The following NLRP13 variants were observed in gnomAD, a reference collection of about 807,000 sequenced individuals.
NLRP13 encodes the protein NLR family pyrin domain containing 13.
A neutral mutation model predicts 94.4 loss-of-function variants in NLRP13; 82 were observed. The observed-to-expected ratio is 0.87, with a 90% CI of 0.73 to 1.04. The LOEUF (loss-of-function observed/expected upper bound fraction) is 1.04. Among genes scored for constraint, NLRP13 ranks in the 50% least tolerant of loss-of-function variants. The probability of loss-of-function intolerance (pLI) is 0.00; values close to 1 mark genes in which losing one functional copy is unlikely to be tolerated. For synonymous variants in NLRP13, 553 were observed against 464.7 expected, an observed-to-expected ratio of 1.19 and a Z score of -2.45; for missense variants, 1,426 against 1,230.8, an observed-to-expected ratio of 1.16 and a Z score of -2.37.
At chr19:55,926,000 G>A (rs2123145460) in intron 1 of NLRP13, among the ~76,000 whole-genome samples, 1 of 152,210 alleles carries the variant, frequency 6.6e-6, no homozygotes, top group East Asian at 1.9e-4. Context: ...AGTCTGTCCT[G>A]AATTCTAACT....
At chr19:55,892,375 A>G (rs1238473719), downstream of NLRP13, among the ~76,000 whole-genome samples, 2 of 60,632 alleles carry the variant, frequency 3.3e-5, no homozygotes, top group Non-Finnish European at 6.7e-5. Flanking sequence ...GTATATATGT[A>G]TATACACACA....
chr19:55,911,148 T>C (rs765051367), intron 5 of NLRP13, among the ~76,000 whole-genome samples: 5 of 152,154 alleles, frequency 3.3e-5, no homozygotes, highest in Admixed American at 1.3e-4. Context: ...CAGAGAAAGA[T>C]GAGCAAAGGA....
rs186987623 is a variant in NLRP13 at position 55,908,176 on chromosome 19, A to C, written c.2283-220T>G. Among the ~76,000 whole-genome samples, 149 of 152,270 alleles carry C rather than the reference A, an allele frequency of 9.8e-4. No homozygotes were observed. The Middle Eastern group carries it at 0.024, about 24-fold the overall frequency. The stretch of plus-strand genomic sequence containing the variant: ...ATCAGTAAACTCAGTTGCAGGTACG[A>C]AGTCAGGGATCCCTCCTTCCCTCTC... On this transcript the variant is annotated intron_variant, in intron 6 of 10. Transcript: ENST00000342929.
At chr19:55,924,928 A>G (rs1228407241) in intron 2 of NLRP13, 39 bp downstream of exon 2, 7 of 1,552,116 alleles carry the variant, frequency 4.5e-6, no homozygotes, top group Non-Finnish European at 6.2e-6. Flanking sequence ...TGCTCCATCA[A>G]GCAACCTGTC....
intron 8 of NLRP13, among the ~76,000 whole-genome samples, chr19:55,904,128 T>C (rs1274328589): frequency 1.3e-5 from 2 of 152,208 alleles, no homozygotes; most frequent in African/African-American, 4.8e-5. Context: ...AGTCTCACTC[T>C]GTCATCCGGG....
chr19:55,911,390 C>A (rs1568693563), intron 5 of NLRP13, among the ~76,000 whole-genome samples: 1 of 152,084 alleles, frequency 6.6e-6, no homozygotes, highest in Non-Finnish European at 1.5e-5. Flanking sequence ...GCCACCACAC[C>A]CAGCTAATAA....
downstream of NLRP13, among the ~76,000 whole-genome samples, chr19:55,892,770 T>C (rs188466067): frequency 2.4e-3 from 367 of 152,282 alleles, 2 homozygotes; most frequent in African/African-American, 8.4e-3. Context: ...AGCTCCAACT[T>C]GTGAGAACAT....
Position 55,912,061 on chromosome 19 carries a change from G to T in NLRP13, c.1756C>A (p.Leu586Met). Residue 586 changes from leucine (L) to methionine (M), a missense_variant, in exon 5 of 11, where the codon CTG becomes ATG. Coordinates refer to ENST00000342929, the MANE Select transcript of NLRP13 (RefSeq NM_176810.2). ...DKEAYWTPVV[L>M]FFFGLLNKNI... The stretch of plus-strand genomic sequence containing the variant: ...TTATTTAAAAGACCAAAGAAGAACA[G>T]AACCACTGGAGTCCAGTAGGCTTCT... 6.2e-7 allele frequency: 1 copy of T among 1,614,182 alleles called. No individual in the cohort carries two copies. The highest frequency in any genetic ancestry group is 8.5e-7 in the Non-Finnish European group (1 of 1,180,014).
intron 4 of NLRP13, among the ~76,000 whole-genome samples, chr19:55,917,906 C>A (rs1056972717): frequency 3.3e-5 from 5 of 151,838 alleles, no homozygotes; most frequent in Non-Finnish European, 7.4e-5. Flanking sequence ...GACTTTAGAC[C>A]AAATGAAACT....
chr19:55,916,091 T>C (rs1050593862), intron 4 of NLRP13, among the ~76,000 whole-genome samples: 24 of 152,150 alleles, frequency 1.6e-4, no homozygotes, highest in African/African-American at 5.6e-4. Context: ...TAAAACCACA[T>C]TTAGAAAGCC....
chr19:55,905,819 T>C (rs964518743), intron 7 of NLRP13, among the ~76,000 whole-genome samples: 2 of 152,104 alleles, frequency 1.3e-5, no homozygotes, highest in Non-Finnish European at 2.9e-5. Flanking sequence ...CCCTACACCA[T>C]CAGGACAACC....
At position 55,911,889 on chromosome 19, in the gene NLRP13, T is replaced by C; in HGVS notation, c.1928A>G (p.His643Arg). The C allele has an allele frequency of 1.9e-6, 3 of 1,614,182 alleles. No homozygotes were observed. Among genetic ancestry groups the C allele is most frequent in the Non-Finnish European group, 2.5e-6 (3 of 1,180,000 alleles). ...TGTGAAGTCTTCCTCCTGGGACTCGTGTAGGCAGTGAAAAAGTCGTAGAAT... is the reference window on the plus strand; with the variant it reads ...TGTGAAGTCTTCCTCCTGGGACTCGCGTAGGCAGTGAAAAAGTCGTAGAAT... ...FHILRLFHCL[H>R]ESQEEDFTKK... is the part of the protein sequence containing the mutation. The change falls in exon 5 of 11, where the codon CAC (histidine) becomes CGC (arginine). Residue 643 changes from histidine (H) to arginine (R), a missense_variant. His to Arg is a conservative substitution (Grantham distance 29). Coordinates refer to ENST00000342929, the MANE Select transcript of NLRP13 (RefSeq NM_176810.2).
intron 4 of NLRP13, among the ~76,000 whole-genome samples, chr19:55,914,823 G>A (rs960369385): frequency 6.6e-6 from 1 of 152,152 alleles, no homozygotes; most frequent in Non-Finnish European, 1.5e-5. Flanking sequence ...CCATTCATCT[G>A]TTGATGGATA....
chr19:55,914,476 C>CA (rs1986629425), intron 4 of NLRP13, among the ~76,000 whole-genome samples: 1 of 152,196 alleles, frequency 6.6e-6, no homozygotes, highest in Non-Finnish European at 1.5e-5. Context: ...CTACTATCTT[C>CA]ATCTAAGTGA....
intron 4 of NLRP13, among the ~76,000 whole-genome samples, chr19:55,923,617 T>C (rs1311122036): frequency 6.6e-6 from 1 of 152,180 alleles, no homozygotes; most frequent in Non-Finnish European, 1.5e-5. Flanking sequence ...CAGCAGCTGC[T>C]GACTCTTTAT....
chr19:55,922,354 A>G (rs1227522399), intron 4 of NLRP13, among the ~76,000 whole-genome samples: 1 of 151,572 alleles, frequency 6.6e-6, no homozygotes, highest in African/African-American at 2.4e-5. Flanking sequence ...TTTCAGATGG[A>G]GTCTTGCTCT....
chr19:55,896,820 CAAAAAAA>C (rs3073244), intron 10 of NLRP13, among the ~76,000 whole-genome samples: 17,302 of 80,814 alleles, frequency 0.21, 1,286 homozygotes, highest in East Asian at 0.42. Flanking sequence ...CTCCATCTCA[CAAAAAAA>C]AAAAAAAAAA....
At chr19:55,900,766 A>G (rs946584298) in intron 9 of NLRP13, among the ~76,000 whole-genome samples, 2 of 131,450 alleles carry the variant, frequency 1.5e-5, no homozygotes, top group African/African-American at 2.8e-5. Context: ...ACAGAACAAG[A>G]CTCCATCTTA....
At position 55,925,044 on chromosome 19, in the gene NLRP13, A is replaced by C; in HGVS notation, c.320-9T>G. The C allele has an allele frequency of 6.2e-7, 1 of 1,613,456 alleles. No individual in the cohort carries two copies. The highest frequency in any genetic ancestry group is 1.1e-5 in the South Asian group (1 of 91,060). On this transcript the variant is annotated splice_polypyrimidine_tract_variant and intron_variant, in intron 1 of 10. Coordinates refer to ENST00000342929, the MANE Select transcript of NLRP13 (RefSeq NM_176810.2). Reference sequence around the variant, plus strand: ...TTGGGTCTGCACATTCTCTGAAACAAACAGTGATGATGACATATGAGAATA... The same window carrying C: ...TTGGGTCTGCACATTCTCTGAAACACACAGTGATGATGACATATGAGAATA...
Sources: allele counts gnomAD v4.1 joint callset (sites outside exome capture counted in the v4.1 genomes callset), GRCh38; gene constraint gnomAD v4.1.1; transcripts MANE v1.5; gene names NCBI Gene and HGNC (gene_info 2026-07-23, HGNC 2026-07-21).